Variants in SLC43A2 observed in about 807,000 individuals in gnomAD.
SLC43A2 encodes solute carrier family 43 member 2.
In SLC43A2, 38 loss-of-function variants were observed where a neutral mutation model predicts 63.2. The ratio of observed to expected loss-of-function variants is 0.60; its 90% CI spans 0.46 to 0.79. The LOEUF is 0.79. Ranked by LOEUF, SLC43A2 falls within the 30% of genes least tolerant of loss-of-function variation. SLC43A2 has a pLI of 0.00. For synonymous variants in SLC43A2, 322 were observed against 331.0 expected, an observed-to-expected ratio of 0.97 and a Z score of 0.30; for missense variants, 644 against 756.2, an observed-to-expected ratio of 0.85 and a Z score of 1.74.
Position 1,594,590 on chromosome 17 carries a change from CTT to C in SLC43A2, c.502-1313_502-1312del, listed in dbSNP as rs59369068. Among the ~76,000 whole-genome samples, 92 of 105,590 alleles carry C rather than the reference CTT, an allele frequency of 8.7e-4. No individual in the cohort carries two copies. The East Asian group carries it at 0.014, about 16-fold the overall frequency. The allele number at this position is 105,590 out of a possible 152,430, so 69.3% of individuals were successfully genotyped here. On this transcript the variant is annotated intron_variant, in intron 5 of 13. Coordinates refer to ENST00000301335, the MANE Select transcript of SLC43A2 (RefSeq NM_152346.3). The stretch of plus-strand genomic sequence containing the variant: ...CTTGAATCTTTTTCTTTCTTTCTTT[CTT>C]TTTTTTTTTTTTTGAGACGGAGTCT...
chr17:1,615,533 GAA>G (rs113237456), intron 3 of SLC43A2, among the ~76,000 whole-genome samples: 10 of 113,202 alleles, frequency 8.8e-5, no homozygotes, highest in Admixed American at 3.8e-4. Flanking sequence ...AACTCAAAAG[GAA>G]AAAAAAAAAA....
intron 13 of SLC43A2, among the ~76,000 whole-genome samples, chr17:1,576,053 GC>G (rs1338398768): frequency 2.6e-5 from 4 of 151,958 alleles, no homozygotes; most frequent in African/African-American, 9.7e-5. Flanking sequence ...CGGAGGTGGG[GC>G]GGGGACAGGA....
intron 11 of SLC43A2, among the ~76,000 whole-genome samples, chr17:1,579,288 C>G (rs1022572833): frequency 9.3e-5 from 14 of 151,092 alleles, no homozygotes; most frequent in African/African-American, 3.2e-4. Context: ...CAGTGAAACC[C>G]CATCTTTACT....
chr17:1,600,276 G>A (rs560000146), intron 5 of SLC43A2, among the ~76,000 whole-genome samples: 20 of 143,400 alleles, frequency 1.4e-4, no homozygotes, highest in African/African-American at 2.6e-4. Context: ...TCAGCCTCCC[G>A]AGTAGCCAGG....
intron 2 of SLC43A2, 81 bp from the exon 3 acceptor site, chr17:1,616,850 G>C (rs1907732364): frequency 8.7e-6 from 13 of 1,501,088 alleles, no homozygotes; most frequent in East Asian, 2.3e-5. Context: ...TGCCCATTCA[G>C]AGTCCCCCCA....
chr17:1,572,532 C>G lies in SLC43A2; in HGVS notation c.*3072G>C, dbSNP rs2075861586. On this transcript the variant is annotated 3_prime_UTR_variant, in exon 14 of 14. Transcript: ENST00000301335. ...GGGATGATCATATGTGTTTAACTCCCAGATTGTTATCAAGTCAAGGACAAC... is the reference window on the plus strand; with the variant it reads ...GGGATGATCATATGTGTTTAACTCCGAGATTGTTATCAAGTCAAGGACAAC... The G allele has an allele frequency of 6.6e-6, 1 of 152,214 alleles. No homozygotes were observed. The highest frequency in any genetic ancestry group is 6.5e-5 in the Admixed American group (1 of 15,280). The allele number at this position is 152,214 out of a possible 1,614,324, so 9.4% of individuals were successfully genotyped here.
chr17:1,619,315 G>GAACAA (rs1311159063), intron 2 of SLC43A2, among the ~76,000 whole-genome samples: 5 of 152,040 alleles, frequency 3.3e-5, no homozygotes, highest in South Asian at 4.2e-4. Context: ...AAACAAAACA[G>GAACAA]AACAAAACAA....
chr17:1,600,100 C>CTTTT (rs200335951), intron 5 of SLC43A2, among the ~76,000 whole-genome samples: 3 of 88,966 alleles, frequency 3.4e-5, no homozygotes, highest in Admixed American at 1.5e-4. Flanking sequence ...GTTAATCTTT[C>CTTTT]TTTTTTTTTT....
upstream of SLC43A2, among the ~76,000 whole-genome samples, chr17:1,629,058 G>A (rs1459718552): frequency 6.6e-6 from 1 of 151,996 alleles, no homozygotes; most frequent in African/African-American, 2.4e-5. Flanking sequence ...CGGCTTTGCA[G>A]CCTTCAACCC....
At chr17:1,611,522 C>G (rs1209419098) in intron 5 of SLC43A2, among the ~76,000 whole-genome samples, 3 of 151,776 alleles carry the variant, frequency 2.0e-5, no homozygotes, top group Non-Finnish European at 4.4e-5. Context: ...ATAGTCCCAA[C>G]TACTCGGGAG....
chr17:1,580,339 C>T (rs1157214745), intron 11 of SLC43A2, among the ~76,000 whole-genome samples: 2 of 152,160 alleles, frequency 1.3e-5, no homozygotes, highest in East Asian at 1.9e-4. Flanking sequence ...CCGTGGAAGT[C>T]GGCAAACACT....
At position 1,590,894 on chromosome 17, in the gene SLC43A2, A is replaced by C; in HGVS notation, c.986T>G (p.Val329Gly). The C allele has an allele frequency of 2.6e-6, 4 of 1,552,676 alleles. No individual in the cohort carries two copies. The highest frequency in any genetic ancestry group is 3.5e-6 in the Non-Finnish European group (4 of 1,147,556). The change falls in exon 9 of 14, where the codon GTC (valine) becomes GGC (glycine). Residue 329 changes from valine to glycine, a missense_variant. By Grantham distance (109) the Val-to-Gly change is moderately radical (BLOSUM62 -3). Around this residue, in one of 3 missense-constraint regions of SLC43A2, gnomAD observed 528 missense variants for 623.6 expected, o/e 0.85. Transcript: ENST00000301335. ...CCGCAGCTGCGTGACGCACATGGTG[A>C]CCAGGCTGAGCAGCAGGATGGGGCT... ...VFSPILLLSL[V>G]TMCVTQLRLI...
rs536012775 is a variant in SLC43A2, at chr17:1,618,147, A to G, written c.161-1378T>C. ...CAAGGTTACTGGAAAGGATGCGCAC[A>G]GGTGGACTCGTGCTTCATGCCAACG... On this transcript the variant is annotated intron_variant, in intron 2 of 13. Transcript: ENST00000301335. Among the ~76,000 whole-genome samples the G allele has an allele frequency of 8.7e-4, 133 of 152,332 alleles. 4 individuals are homozygous for G. In the South Asian group the frequency reaches 0.027, roughly 31 times the overall value.
intron 5 of SLC43A2, among the ~76,000 whole-genome samples, chr17:1,612,831 G>T (rs1907247593): frequency 6.6e-6 from 1 of 152,222 alleles, no homozygotes; most frequent in South Asian, 2.1e-4. Flanking sequence ...AATTAGCCGG[G>T]TGTGGTGGCG....
chr17:1,594,157 G>A (rs1280146820), intron 5 of SLC43A2, among the ~76,000 whole-genome samples: 1 of 152,174 alleles, frequency 6.6e-6, no homozygotes, highest in Non-Finnish European at 1.5e-5. Context: ...ACAAGCAGGG[G>A]ATTATCTTCC....
chr17:1,591,739 G>GGGGGGGCCC, intron 6 of SLC43A2, 40 bp from the exon 7 acceptor site: 2 of 512,310 alleles, frequency 3.9e-6, no homozygotes, highest in Non-Finnish European at 3.9e-6. Context: ...GGGGGAGGGG[G>GGGGGGGCCC]CAGAGTTAGC....
At chr17:1,610,136 C>T (rs989467525) in intron 5 of SLC43A2, among the ~76,000 whole-genome samples, 4 of 151,876 alleles carry the variant, frequency 2.6e-5, no homozygotes, top group Non-Finnish European at 4.4e-5. Context: ...AGGCTGGTCT[C>T]GAACTCCTGA....
At chr17:1,596,238 T>C (rs1905262795) in intron 5 of SLC43A2, among the ~76,000 whole-genome samples, 1 of 151,914 alleles carries the variant, frequency 6.6e-6, no homozygotes, top group Admixed American at 6.6e-5. Context: ...GAGAATCCCT[T>C]GAACCGGGAG....
rs969810208 is a variant in SLC43A2, at chr17:1,572,217, G to C, written c.*3387C>G. On this transcript the variant is annotated 3_prime_UTR_variant, in exon 14 of 14. Coordinates refer to ENST00000301335, the MANE Select transcript of SLC43A2 (RefSeq NM_152346.3). ...CTCCCAGAAACGGAAACCATGCCTG[G>C]GCCTGCTCCCCTTCCTTGGGCTGTG... 6.6e-6 allele frequency: 1 copy of C among 152,138 alleles called. No homozygotes were observed. The highest frequency in any genetic ancestry group is 1.5e-5 in the Non-Finnish European group (1 of 68,246). 9.4% of individuals were successfully genotyped at this position (152,138 alleles called of 1,614,324 possible).
Sources: allele counts gnomAD v4.1 joint callset (sites outside exome capture counted in the v4.1 genomes callset), GRCh38; gene constraint gnomAD v4.1.1; regional missense constraint gnomAD v4.1.1; transcripts MANE v1.5; gene names NCBI Gene and HGNC (gene_info 2026-07-23, HGNC 2026-07-21).